The following ENOX1 variants were observed in gnomAD, a reference collection of about 807,000 sequenced individuals.
ENOX1 encodes the protein candidate growth-related and time keeping constitutive hydroquinone (NADH) oxidase.
ENOX1 carries 42 observed loss-of-function variants against 82.5 expected under a neutral mutation model. That is an observed-to-expected ratio of 0.51 (90% confidence interval 0.40 to 0.66). The LOEUF is 0.66. Ranked by LOEUF, ENOX1 falls within the 30% of genes least tolerant of loss-of-function variation. The probability of loss-of-function intolerance (pLI) is 0.00; values close to 1 mark genes in which losing one functional copy is unlikely to be tolerated. For missense variants in ENOX1, 608 were observed against 811.6 expected (o/e 0.75, Z 3.05); for synonymous variants, 271 against 282.2 (o/e 0.96, Z 0.40).
chr13:43,230,958 T>A (rs1312453607), intron 15 of ENOX1, among the ~76,000 whole-genome samples: 1 of 151,752 alleles, frequency 6.6e-6, no homozygotes, highest in Non-Finnish European at 1.5e-5. Flanking sequence ...CTGCTTGGAG[T>A]TTTCATTCCA....
chr13:43,753,471 T>G lies in ENOX1; in HGVS notation c.-285+33181A>C, dbSNP rs553131449. On this transcript the variant is annotated intron_variant, in intron 1 of 16. Transcript: ENST00000690772. ...TCAGTTCCTGACTGTTCATTGCTGGTATATAGTAACACAATTGATTTTTAT... is the reference window on the plus strand; with the variant it reads ...TCAGTTCCTGACTGTTCATTGCTGGGATATAGTAACACAATTGATTTTTAT... 7.0e-4 allele frequency among the ~76,000 whole-genome samples: 106 copies of G among 152,310 alleles called. 1 individual carries two copies. Among genetic ancestry groups the G allele is most frequent in the Admixed American group, 2.4e-3 (36 of 15,302 alleles).
At chr13:43,436,753 CT>C (rs920135038) in intron 3 of ENOX1, among the ~76,000 whole-genome samples, 47 of 149,206 alleles carry the variant, frequency 3.2e-4, no homozygotes, top group Admixed American at 1.1e-3. Context: ...TTACAGAAAA[CT>C]TTTTTTTTTA....
intron 2 of ENOX1, among the ~76,000 whole-genome samples, chr13:43,498,335 T>A (rs538633788): frequency 6.6e-6 from 1 of 152,240 alleles, no homozygotes; most frequent in South Asian, 2.1e-4. Flanking sequence ...GTTAGCTTGA[T>A]ATCTATTACA....
At chr13:43,599,049 T>C (rs2081590417) in intron 2 of ENOX1, among the ~76,000 whole-genome samples, 1 of 152,136 alleles carries the variant, frequency 6.6e-6, no homozygotes, top group Admixed American at 6.5e-5. Flanking sequence ...GTCTGAATTC[T>C]GTGGTGCAGG....
intron 2 of ENOX1, among the ~76,000 whole-genome samples, chr13:43,639,863 T>C (rs1416374808): frequency 6.6e-6 from 1 of 152,260 alleles, no homozygotes; most frequent in Non-Finnish European, 1.5e-5. Flanking sequence ...ACGCTGTCTC[T>C]ACTAAAAATA....
At chr13:43,232,788 G>A (rs2153457010) in intron 15 of ENOX1, among the ~76,000 whole-genome samples, 1 of 152,290 alleles carries the variant, frequency 6.6e-6, no homozygotes, top group South Asian at 2.1e-4. Flanking sequence ...ACTACATCTG[G>A]ATAGTATTTA....
rs561871262 is a variant in ENOX1 at position 43,355,903 on chromosome 13, C to T, written c.823+16G>A. ...ATCCCTGTGGAGGAAGAAAAGCCAG[C>T]GTGGGTGGCCCATACCTTTCAGCTT... On this transcript the variant is annotated intron_variant, in intron 8 of 16. Coordinates refer to ENST00000690772, the MANE Select transcript of ENOX1 (RefSeq NM_001347969.2). 6.8e-5 allele frequency: 108 copies of T among 1,598,930 alleles called. 1 individual carries two copies. In the South Asian group the frequency reaches 8.1e-4, roughly 12 times the overall value.
At chr13:43,311,878 G>A (rs566320215) in intron 11 of ENOX1, among the ~76,000 whole-genome samples, 49 of 152,308 alleles carry the variant, frequency 3.2e-4, no homozygotes, top group African/African-American at 1.1e-3. Flanking sequence ...AGGATTAAGG[G>A]TAGAGAAATG....
intron 3 of ENOX1, among the ~76,000 whole-genome samples, chr13:43,443,783 A>G (rs764020809): frequency 6.6e-6 from 1 of 152,224 alleles, no homozygotes. Context: ...TAAAGGAAGA[A>G]TAGGATCAGA....
intron 2 of ENOX1, among the ~76,000 whole-genome samples, chr13:43,526,431 G>A (rs567475399): frequency 2.6e-5 from 4 of 151,842 alleles, no homozygotes; most frequent in Non-Finnish European, 4.4e-5. Flanking sequence ...AAGCAAAAAC[G>A]TTTCTAAATG....
At chr13:43,580,055 G>A (rs968157943) in intron 2 of ENOX1, among the ~76,000 whole-genome samples, 2 of 152,138 alleles carry the variant, frequency 1.3e-5, no homozygotes, top group Non-Finnish European at 2.9e-5. Flanking sequence ...TAAAAAAGAA[G>A]AGAGACCTGA....
At chr13:43,527,090 G>A (rs1307723438) in intron 2 of ENOX1, among the ~76,000 whole-genome samples, 1 of 151,924 alleles carries the variant, frequency 6.6e-6, no homozygotes, top group Non-Finnish European at 1.5e-5. Flanking sequence ...ATGAATTTAT[G>A]TTCTTCATAA....
chr13:43,349,884 C>T (rs2049659408), intron 8 of ENOX1, among the ~76,000 whole-genome samples: 1 of 81,462 alleles, frequency 1.2e-5, no homozygotes, highest in Non-Finnish European at 3.5e-5. Flanking sequence ...TCCCCACGAC[C>T]AATTAAATCC....
At chr13:43,352,281 A>T (rs1257289139) in intron 8 of ENOX1, among the ~76,000 whole-genome samples, 1 of 152,250 alleles carries the variant, frequency 6.6e-6, no homozygotes, top group Non-Finnish European at 1.5e-5. Context: ...ATTCAGAGAG[A>T]AACTCTTCAT....
chr13:43,623,187 CAACTACGA>C (rs2082816276), intron 2 of ENOX1, among the ~76,000 whole-genome samples: 1 of 152,112 alleles, frequency 6.6e-6, no homozygotes, highest in African/African-American at 2.4e-5. Context: ...TACCTGCCTC[CAACTACGA>C]AAGAAAAGGG....
chr13:43,566,978 A>G (rs193187846), intron 2 of ENOX1, among the ~76,000 whole-genome samples: 8 of 152,232 alleles, frequency 5.3e-5, no homozygotes, highest in Admixed American at 4.6e-4. Context: ...AATAAGAATG[A>G]GCAGAACAAT....
chr13:43,316,161 C>T (rs951097429), intron 11 of ENOX1, among the ~76,000 whole-genome samples: 4 of 152,218 alleles, frequency 2.6e-5, no homozygotes, highest in African/African-American at 9.7e-5. Flanking sequence ...CAGGGCCTGA[C>T]AGGAGCTGGG....
At chr13:43,524,152 A>G (rs2077892385) in intron 2 of ENOX1, among the ~76,000 whole-genome samples, 1 of 152,130 alleles carries the variant, frequency 6.6e-6, no homozygotes, top group African/African-American at 2.4e-5. Context: ...TCCATCTAAT[A>G]TCTTCTTGCC....
chr13:43,342,140 T>C (rs2049101359), intron 9 of ENOX1, among the ~76,000 whole-genome samples: 1 of 152,186 alleles, frequency 6.6e-6, no homozygotes, highest in Non-Finnish European at 1.5e-5. Flanking sequence ...TGGATTTTAC[T>C]GTGTCCAGAG....
Sources: allele counts gnomAD v4.1 joint callset (sites outside exome capture counted in the v4.1 genomes callset), GRCh38; gene constraint gnomAD v4.1.1; transcripts MANE v1.5; gene names NCBI Gene and HGNC (gene_info 2026-07-23, HGNC 2026-07-21).